PDGFRA: variants seen among roughly 807,000 people sequenced by gnomAD.
PDGFRA encodes platelet-derived growth factor receptor alpha.
PDGFRA carries 25 observed loss-of-function variants against 121.5 expected under a neutral mutation model. The ratio of observed to expected loss-of-function variants is 0.21; its 90% CI spans 0.15 to 0.29. The LOEUF (loss-of-function observed/expected upper bound fraction) is 0.29, where lower values mean the gene tolerates loss of function less well. PDGFRA is among the 10% of genes least tolerant of loss of function. The pLI, the probability that PDGFRA is intolerant of heterozygous loss-of-function variation, is 1.00. For synonymous variants in PDGFRA, 463 were observed against 494.8 expected, an observed-to-expected ratio of 0.94 and a Z score of 0.85; for missense variants, 1,008 against 1,345.1, an observed-to-expected ratio of 0.75 and a Z score of 3.92.
intron 7 of PDGFRA, among the ~76,000 whole-genome samples, chr4:54,268,155 A>T (rs1723145667): frequency 6.6e-6 from 1 of 152,246 alleles, no homozygotes; most frequent in African/African-American, 2.4e-5. Flanking sequence ...TTAACGTCAT[A>T]GGCTTAATCT....
At chr4:54,253,562 G>A (rs969006228) in intron 1 of PDGFRA, among the ~76,000 whole-genome samples, 5 of 152,216 alleles carry the variant, frequency 3.3e-5, no homozygotes, top group African/African-American at 1.2e-4. Flanking sequence ...TTTGAGCTGT[G>A]ATTATTGAGA....
chr4:54,289,567 C>A (rs1724525987), intron 21 of PDGFRA, among the ~76,000 whole-genome samples: 1 of 152,166 alleles, frequency 6.6e-6, no homozygotes, highest in African/African-American at 2.4e-5. Context: ...TTCTTGGAAC[C>A]AGGCAGGATA....
rs1723868843 is a variant in PDGFRA at position 54,278,345 on chromosome 4, G to T, written c.2003-17G>T. 1 of 1,608,664 alleles carries T rather than the reference G, an allele frequency of 6.2e-7. No homozygotes were observed. The highest frequency in any genetic ancestry group is 1.1e-5 in the South Asian group (1 of 90,922). ...TTCATTTTCATACCCATCTCCTAAC[G>T]GCTTTTGTCCCCATAGGCCCCATTT... On this transcript the variant is annotated splice_polypyrimidine_tract_variant and intron_variant, in intron 14 of 22. Transcript: ENST00000257290.
rs191482386 is a variant in PDGFRA at position 54,240,094 on chromosome 4, C to T, written c.-13+10679C>T. ...TCTTGAACTCCTGGGCTCAAATGAT[C>T]TGCCTGCCTCAGCTTCCCAAGGTAC... On this transcript the variant is annotated intron_variant, in intron 1 of 22. Transcript: ENST00000257290. 26 of 404,822 alleles carry T rather than the reference C, an allele frequency of 6.4e-5. No individual in the cohort carries two copies. In the East Asian group the frequency reaches 2.3e-3, roughly 36 times the overall value. The allele number at this position is 404,822 out of a possible 1,614,324, so 25.1% of individuals were successfully genotyped here.
chr4:54,284,054 T>A (rs1724194771), intron 16 of PDGFRA, among the ~76,000 whole-genome samples: 1 of 152,248 alleles, frequency 6.6e-6, no homozygotes, highest in Admixed American at 6.5e-5. Flanking sequence ...ACTCTCAAGT[T>A]CAAACTTCCA....
At position 54,260,778 on chromosome 4, in the gene PDGFRA, C is replaced by T. The variant is rs558907314; in HGVS notation, c.50-317C>T. 5.8e-4 allele frequency among the ~76,000 whole-genome samples: 88 copies of T among 152,140 alleles called. 1 individual carries two copies. Among genetic ancestry groups the T allele is most frequent in the South Asian group, 5.6e-3 (27 of 4,816 alleles). Reference sequence around the variant, plus strand: ...CATAAAGAACCCATATGTGCTTGAGCCCGTGCCATCTTGGGATATTTTATG... The same window carrying T: ...CATAAAGAACCCATATGTGCTTGAGTCCGTGCCATCTTGGGATATTTTATG... On this transcript the variant is annotated intron_variant, in intron 2 of 22. Transcript: ENST00000257290.
intron 5 of PDGFRA, among the ~76,000 whole-genome samples, chr4:54,266,738 T>C (rs1365697480): frequency 1.3e-5 from 2 of 152,150 alleles, no homozygotes; most frequent in South Asian, 2.1e-4. Flanking sequence ...CCCAGTACTT[T>C]GGGAGGCTGA....
chr4:54,273,473 T>G, intron 9 of PDGFRA, 64 bp from the exon 10 acceptor site: 1 of 1,285,836 alleles, frequency 7.8e-7, no homozygotes, highest in East Asian at 2.3e-5. Flanking sequence ...AGTGTTCCCG[T>G]GGCTCCACTC....
intron 3 of PDGFRA, 117 bp from the exon 4 acceptor site, chr4:54,263,550 G>A (rs1472497833): frequency 3.1e-6 from 3 of 973,050 alleles, no homozygotes; most frequent in Non-Finnish European, 5.0e-6. Context: ...CTGGATATAT[G>A]TGTAAAGGTG....
At chr4:54,241,409 A>G (rs899538951) in intron 1 of PDGFRA, among the ~76,000 whole-genome samples, 16 of 152,174 alleles carry the variant, frequency 1.1e-4, no homozygotes, top group Non-Finnish European at 2.4e-4. Context: ...ATATAGGACA[A>G]GTCAGAAAGT....
At chr4:54,243,202 G>A (rs541107695) in intron 1 of PDGFRA, among the ~76,000 whole-genome samples, 100 of 152,260 alleles carry the variant, frequency 6.6e-4, no homozygotes, top group African/African-American at 2.3e-3. Flanking sequence ...CTGTCTGATC[G>A]CATAGTGCAC....
At position 54,280,386 on chromosome 4, in the gene PDGFRA, G is replaced by A. The variant is rs764957750; in HGVS notation, c.2227G>A (p.Val743Ile). Reference sequence around the variant, plus strand: ...GAAGCAGGCTGATACTACACAGTATGTCCCCATGCTAGAAAGGAAAGAGGT... The same window carrying A: ...GAAGCAGGCTGATACTACACAGTATATCCCCATGCTAGAAAGGAAAGAGGT... ...DMKQADTTQY[V>I]PMLERKEVSK... The change falls in exon 16 of 23, where the codon GTC (valine) becomes ATC (isoleucine). Residue 743 changes from valine (V) to isoleucine (I), a missense_variant. Around this residue, in one of 5 missense-constraint regions of PDGFRA, gnomAD observed 128 missense variants for 147.6 expected, o/e 0.87. Coordinates refer to ENST00000257290, the MANE Select transcript of PDGFRA (RefSeq NM_006206.6). The A allele has an allele frequency of 9.9e-6, 16 of 1,611,920 alleles. No individual in the cohort carries two copies. In the Middle Eastern group the frequency reaches 1.2e-3, roughly 116 times the overall value.
chr4:54,287,919 T>C (rs548138950), intron 19 of PDGFRA, among the ~76,000 whole-genome samples: 7 of 152,270 alleles, frequency 4.6e-5, no homozygotes, highest in African/African-American at 1.4e-4. Flanking sequence ...TGGTGGCGAT[T>C]GATGCTCAGG....
intron 5 of PDGFRA, 153 bp downstream of exon 5, chr4:54,265,202 C>A (rs1722968281): frequency 8.4e-6 from 6 of 714,764 alleles, no homozygotes; most frequent in Admixed American, 8.1e-5. Context: ...GATTAAATGG[C>A]CTTTAGGACT....
chr4:54,284,441 G>A (rs368210081), intron 16 of PDGFRA, among the ~76,000 whole-genome samples: 12 of 152,222 alleles, frequency 7.9e-5, no homozygotes, highest in Admixed American at 3.3e-4. Flanking sequence ...ATTGGCACAT[G>A]GATTCTGCAG....
intron 13 of PDGFRA, 89 bp from the exon 14 acceptor site, chr4:54,277,807 T>C (rs1723820332): frequency 1.2e-6 from 1 of 843,340 alleles, no homozygotes; most frequent in Non-Finnish European, 2.0e-6. Context: ...TGATATCCAA[T>C]CACAGGATTA....
At chr4:54,278,629 A>T (rs1723894223) in intron 15 of PDGFRA, 114 bp downstream of exon 15, 1 of 1,013,714 alleles carries the variant, frequency 9.9e-7, no homozygotes, top group Middle Eastern at 2.1e-4. Context: ...AGGTAGCAAG[A>T]CTTAGAGTCA....
chr4:54,252,660 G>A (rs565884599), intron 1 of PDGFRA, among the ~76,000 whole-genome samples: 6 of 152,284 alleles, frequency 3.9e-5, no homozygotes, highest in East Asian at 1.9e-4. Flanking sequence ...ACTGAGCCTC[G>A]GAAATCTGAA....
At chr4:54,265,968 G>T (rs980289406) in intron 5 of PDGFRA, among the ~76,000 whole-genome samples, 11 of 152,026 alleles carry the variant, frequency 7.2e-5, no homozygotes, top group Admixed American at 6.5e-5. Context: ...CCATGCATTT[G>T]CCGCTGCTTT....
Sources: gnomAD v4.1 joint callset for allele counts (sites outside exome capture counted in the v4.1 genomes callset) on GRCh38, gnomAD v4.1.1 for gene constraint, gnomAD v4.1.1 regional missense constraint, MANE v1.5 for transcripts, NCBI Gene and HGNC (gene_info 2026-07-23, HGNC 2026-07-21) for gene names.